Variants in SLAMF8 observed in about 807,000 individuals in gnomAD.
SLAMF8 encodes the protein SLAM family member 8.
In SLAMF8, 23 loss-of-function variants were observed where a neutral mutation model predicts 29.0. That is an observed-to-expected ratio of 0.79 (90% CI 0.57 to 1.13). SLAMF8 has a LOEUF of 1.13. SLAMF8 is among the 50% of genes most tolerant of loss of function. The pLI is 0.00. For missense variants in SLAMF8, 381 were observed against 353.1 expected (o/e 1.08, Z -0.63); for synonymous variants, 139 against 145.6 (o/e 0.96, Z 0.32).
chr1:159,834,492 C>G (rs2494490), intron 4 of SLAMF8: 58,056 of 152,224 alleles, frequency 0.38, 13,448 homozygotes, highest in African/African-American at 0.65. Flanking sequence ...GGAAAAAATA[C>G]CTTTATTGAG....
intron 2 of SLAMF8, among the ~76,000 whole-genome samples, chr1:159,832,198 T>C (rs1015588717): frequency 2.0e-5 from 3 of 152,234 alleles, no homozygotes; most frequent in Non-Finnish European, 4.4e-5. Flanking sequence ...TTTACTAAGC[T>C]AACAAGACAG....
In SLAMF8 at chr1:159,835,326, A is replaced by G; in HGVS notation, c.*66A>G. On this transcript the variant is annotated 3_prime_UTR_variant, in exon 5 of 5. Coordinates refer to ENST00000289707, the MANE Select transcript of SLAMF8 (RefSeq NM_020125.3). Reference sequence around the variant, plus strand: ...CTGCACAGGCACACGATGCTCTGGGACATAACTGGTGCCTGGAAATCACCA... The same window carrying G: ...CTGCACAGGCACACGATGCTCTGGGGCATAACTGGTGCCTGGAAATCACCA... 6.4e-7 allele frequency: 1 copy of G among 1,563,888 alleles called. No homozygotes were observed. Among genetic ancestry groups the G allele is most frequent in the South Asian group, 1.2e-5 (1 of 83,248 alleles).
intron 2 of SLAMF8, 26 bp downstream of exon 2, chr1:159,830,218 T>C (rs1571135130): frequency 5.2e-6 from 8 of 1,541,470 alleles, no homozygotes; most frequent in Non-Finnish European, 7.0e-6. Flanking sequence ...ACTGGCTGCC[T>C]GGCCCTCTTC....
Position 159,836,855 on chromosome 1 carries a change from TC to T in SLAMF8, c.*1600del. ...CACACCCACTTCTCTCCTATCACCT[TC>T]CCCCAAGATTACCTGAACAGGGTCC... On this transcript the variant is annotated 3_prime_UTR_variant, in exon 5 of 5. Coordinates refer to ENST00000289707, the MANE Select transcript of SLAMF8 (RefSeq NM_020125.3). The T allele has an allele frequency of 1.0e-6, 1 of 985,302 alleles. No individual in the cohort carries two copies. The highest frequency in any genetic ancestry group is 1.2e-6 in the Non-Finnish European group (1 of 829,966). 61.0% of individuals were successfully genotyped at this position (985,302 alleles called of 1,614,324 possible). A position where few individuals can be genotyped will look rare whatever the true frequency, so the allele number is the denominator to read the frequency against.
Position 159,828,643 on chromosome 1 carries a change from C to T in SLAMF8, c.41-1223C>T, listed in dbSNP as rs183864447. 1.0e-3 allele frequency among the ~76,000 whole-genome samples: 152 copies of T among 152,218 alleles called. 1 individual carries two copies. Among genetic ancestry groups the T allele is most frequent in the Non-Finnish European group, 1.7e-3 (115 of 68,008 alleles). On this transcript the variant is annotated intron_variant, in intron 1 of 4. Transcript: ENST00000289707. The stretch of plus-strand genomic sequence containing the variant: ...GCAAACGATGGGGAGAAAGAGCTCA[C>T]GGTCTAGTGGGAGATGCTGACTCAT...
Position 159,830,166 on chromosome 1 carries a change from C to T in SLAMF8, c.341C>T (p.Thr114Ile), listed in dbSNP as rs1241213053. Reference sequence around the variant, plus strand: ...GTGGACACAAGGGGCCAGCCCTGGACCCAGACCCTCCAGCTCAAGGTGTAC... The same window carrying T: ...GTGGACACAAGGGGCCAGCCCTGGATCCAGACCCTCCAGCTCAAGGTGTAC... ...LMVDTRGQPW[T>I]QTLQLKVYDA... Residue 114 changes from threonine to isoleucine, a missense_variant, in exon 2 of 5, where the codon ACC becomes ATC. Coordinates refer to ENST00000289707, the MANE Select transcript of SLAMF8 (RefSeq NM_020125.3). 5 of 1,607,976 alleles carry T rather than the reference C, an allele frequency of 3.1e-6. No individual in the cohort carries two copies. The highest frequency in any genetic ancestry group is 4.3e-6 in the Non-Finnish European group (5 of 1,175,894).
At chr1:159,833,218 A>G (rs1276831894) in intron 3 of SLAMF8, 37 bp downstream of exon 3, 1 of 1,614,012 alleles carries the variant, frequency 6.2e-7, no homozygotes, top group East Asian at 2.2e-5. Flanking sequence ...TTGAGGGCTT[A>G]TGAAGCATCA....
rs1399085982 is a variant in SLAMF8, at chr1:159,830,024, T to A, written c.199T>A (p.Ser67Thr). The A allele has an allele frequency of 6.2e-7, 1 of 1,614,092 alleles. No homozygotes were observed. Among genetic ancestry groups the A allele is most frequent in the Admixed American group, 1.7e-5 (1 of 60,018 alleles). Residue 67 changes from serine to threonine, a missense_variant, in exon 2 of 5, where the codon TCC becomes ACC. By Grantham distance (58) the Ser-to-Thr change is moderately conservative (BLOSUM62 1). Transcript: ENST00000289707. Reference protein sequence around the residue: ...EELLATFFRGSLETLYHSRFL... With the variant: ...EELLATFFRGTLETLYHSRFL... Reference sequence around the variant, plus strand: ...GCTCCTGGCCACGTTTTTCCGAGGCTCCCTGGAGACTCTGTACCATTCCCG... The same window carrying A: ...GCTCCTGGCCACGTTTTTCCGAGGCACCCTGGAGACTCTGTACCATTCCCG...
rs550579156 is a variant in SLAMF8, at chr1:159,834,943, C to A, written c.782-241C>A. The A allele has an allele frequency of 1.7e-4, 76 of 456,832 alleles. No homozygotes were observed. The South Asian group carries it at 2.3e-3, about 14-fold the overall frequency. The allele number at this position is 456,832 out of a possible 1,614,324, so 28.3% of individuals were successfully genotyped here. ...TTAACTGGGTCCACCACAGTCCTAACTTTCCATACCTTCTACAATTAAATG... is the reference window on the plus strand; with the variant it reads ...TTAACTGGGTCCACCACAGTCCTAAATTTCCATACCTTCTACAATTAAATG... On this transcript the variant is annotated intron_variant, in intron 4 of 4. Transcript: ENST00000289707.
Position 159,836,671 on chromosome 1 carries a change from TC to T in SLAMF8, c.*1413del. 1.1e-5 allele frequency: 11 copies of T among 985,460 alleles called. No individual in the cohort carries two copies. The highest frequency in any genetic ancestry group is 1.3e-5 in the Non-Finnish European group (11 of 829,964). The allele number at this position is 985,460 out of a possible 1,614,324, so 61.0% of individuals were successfully genotyped here. Reference sequence around the variant, plus strand: ...AAGGACCTTCCCTCTTCTCCCCAGTTCCTGGGCAATCACTTCACCTTGGACA... The same window carrying T: ...AAGGACCTTCCCTCTTCTCCCCAGTTCTGGGCAATCACTTCACCTTGGACA... On this transcript the variant is annotated 3_prime_UTR_variant, in exon 5 of 5. Transcript: ENST00000289707.
chr1:159,833,397 G>T (rs371292309), intron 4 of SLAMF8, 28 bp downstream of exon 4: 1 of 1,613,672 alleles, frequency 6.2e-7, no homozygotes, highest in Non-Finnish European at 8.5e-7. Flanking sequence ...GCAGGAGGTA[G>T]GTGGAGGAAG....
intron 4 of SLAMF8, chr1:159,834,786 A>T: frequency 5.8e-6 from 1 of 173,578 alleles, no homozygotes; most frequent in East Asian, 1.6e-4. Flanking sequence ...ACTTAGTGTC[A>T]TGTCCTCAAG....
In SLAMF8 at chr1:159,837,302, G is replaced by T. The variant is rs971090829; in HGVS notation, c.*2042G>T. On this transcript the variant is annotated 3_prime_UTR_variant, in exon 5 of 5. Coordinates refer to ENST00000289707, the MANE Select transcript of SLAMF8 (RefSeq NM_020125.3). The stretch of plus-strand genomic sequence containing the variant: ...ACCCTCCACCAAAAAAACACAAAGT[G>T]CTTCTGTGAGACCAATTTTGTGCTA... 27 of 985,348 alleles carry T rather than the reference G, an allele frequency of 2.7e-5. No individual in the cohort carries two copies. The highest frequency in any genetic ancestry group is 6.0e-6 in the Non-Finnish European group (5 of 829,952). 61.0% of individuals were successfully genotyped at this position (985,348 alleles called of 1,614,324 possible). A position where few individuals can be genotyped will look rare whatever the true frequency, so the allele number is the denominator to read the frequency against.
intron 1 of SLAMF8, 102 bp from the exon 2 acceptor site, chr1:159,829,764 T>C: frequency 1.6e-6 from 2 of 1,255,524 alleles, no homozygotes; most frequent in Non-Finnish European, 2.2e-6. Context: ...GGAGGGAATG[T>C]CAGTGGAGGG....
At chr1:159,830,736 T>A (rs1647431164) in intron 2 of SLAMF8, among the ~76,000 whole-genome samples, 1 of 152,204 alleles carries the variant, frequency 6.6e-6, no homozygotes, top group Admixed American at 6.5e-5. Flanking sequence ...AAAATCAAAT[T>A]ATAATGAAAC....
At chr1:159,828,912 A>T (rs1287218262) in intron 1 of SLAMF8, among the ~76,000 whole-genome samples, 1 of 152,114 alleles carries the variant, frequency 6.6e-6, no homozygotes, top group Non-Finnish European at 1.5e-5. Context: ...CCAAAACAGC[A>T]TCTTGCTTTC....
chr1:159,836,253 T>G lies in SLAMF8; in HGVS notation c.*993T>G. The G allele has an allele frequency of 1.0e-6, 1 of 985,408 alleles. No homozygotes were observed. The highest frequency in any genetic ancestry group is 1.2e-6 in the Non-Finnish European group (1 of 829,914). The allele number at this position is 985,408 out of a possible 1,614,324, so 61.0% of individuals were successfully genotyped here. A position where few individuals can be genotyped will look rare whatever the true frequency, so the allele number is the denominator to read the frequency against. ...AGAATCTGCCACATTCATTTTCAAA[T>G]GCAAATGCAGAAGACTTACCTTAGT... On this transcript the variant is annotated 3_prime_UTR_variant, in exon 5 of 5. Transcript: ENST00000289707.
At chr1:159,827,145 C>T (rs1196193228) in intron 1 of SLAMF8, among the ~76,000 whole-genome samples, 1 of 152,158 alleles carries the variant, frequency 6.6e-6, no homozygotes, top group Non-Finnish European at 1.5e-5. Context: ...GAGGAGGTGG[C>T]AGCTTGAGGG....
chr1:159,834,946 T>C (rs1185213958), intron 4 of SLAMF8: 1 of 469,602 alleles, frequency 2.1e-6, no homozygotes, highest in East Asian at 3.7e-5. Context: ...GTCCTAACTT[T>C]CCATACCTTC....
Sources: gnomAD v4.1 joint callset for allele counts (sites outside exome capture counted in the v4.1 genomes callset) on GRCh38, gnomAD v4.1.1 for gene constraint, MANE v1.5 for transcripts, NCBI Gene and HGNC (gene_info 2026-07-23, HGNC 2026-07-21) for gene names.